CRYBG1: variants seen among roughly 807,000 people sequenced by gnomAD.
The protein encoded by CRYBG1 is beta/gamma crystallin domain-containing protein 1.
In CRYBG1, 139 loss-of-function variants were observed where a neutral mutation model predicts 189.2. The observed-to-expected ratio is 0.73, with a 90% CI of 0.64 to 0.85. The LOEUF (loss-of-function observed/expected upper bound fraction) is 0.85, where lower values mean the gene tolerates loss of function less well. Ranked by LOEUF, CRYBG1 falls within the 40% of genes least tolerant of loss-of-function variation. The probability of loss-of-function intolerance (pLI) is 0.00; values close to 1 mark genes in which losing one functional copy is unlikely to be tolerated. For synonymous variants in CRYBG1, 1,023 were observed against 1,017.1 expected (o/e 1.01, Z -0.11); for missense variants, 2,611 against 2,675.8 (o/e 0.98, Z 0.53).
chr6:106,388,902 A>G (rs1247369811), intron 1 of CRYBG1, among the ~76,000 whole-genome samples: 1 of 152,194 alleles, frequency 6.6e-6, no homozygotes, highest in Non-Finnish European at 1.5e-5. Flanking sequence ...GACAAACAGA[A>G]TTCTTTATCA....
At chr6:106,506,555 C>A (rs1293251213) in intron 2 of CRYBG1, among the ~76,000 whole-genome samples, 1 of 143,456 alleles carries the variant, frequency 7.0e-6, no homozygotes, top group Non-Finnish European at 1.5e-5. Context: ...TGGATTGAAG[C>A]AATTCTTCTG....
chr6:106,504,897 A>G (rs918181804), intron 2 of CRYBG1, among the ~76,000 whole-genome samples: 3 of 152,052 alleles, frequency 2.0e-5, no homozygotes, highest in African/African-American at 7.2e-5. Context: ...GGGAAAATAC[A>G]ATTTTAACTT....
chr6:106,480,287 G>T (rs764283935), intron 2 of CRYBG1, among the ~76,000 whole-genome samples: 5 of 152,142 alleles, frequency 3.3e-5, no homozygotes, highest in Admixed American at 2.6e-4. Flanking sequence ...GATGCAGTAT[G>T]ATAGGGAAAA....
At chr6:106,464,425 A>G (rs547126021) in intron 2 of CRYBG1, among the ~76,000 whole-genome samples, 109 of 151,516 alleles carry the variant, frequency 7.2e-4, no homozygotes, top group African/African-American at 2.4e-3. Context: ...CCCGGGAGGC[A>G]GAGGTTGCAG....
rs1771391763 is a variant in CRYBG1, at chr6:106,433,747, ATATATATATGTGTATATATATATATG to A, written c.174-17937_174-17912del. ...TATATATATATATACATATATATGTATATATATATGTGTATATATATATATGTATATATATATAAACATACACACAC... is the reference window on the plus strand; with the variant it reads ...TATATATATATATACATATATATGTATATATATATATAAACATACACACAC... On this transcript the variant is annotated intron_variant, in intron 1 of 21. Coordinates refer to ENST00000633556, the MANE Select transcript of CRYBG1 (RefSeq NM_001371242.2). 9.7e-4 allele frequency among the ~76,000 whole-genome samples: 30 copies of A among 31,076 alleles called. No homozygotes were observed. The Admixed American group carries it at 0.01, about 11-fold the overall frequency. The allele number at this position is 31,076 out of a possible 152,430, so 20.4% of individuals were successfully genotyped here. A position where few individuals can be genotyped will look rare whatever the true frequency, so the allele number is the denominator to read the frequency against.
intron 1 of CRYBG1, among the ~76,000 whole-genome samples, chr6:106,377,720 C>G: frequency 6.6e-6 from 1 of 150,856 alleles, no homozygotes; most frequent in East Asian, 1.9e-4. Flanking sequence ...TATGTCTTTG[C>G]TGATCAGATA....
At chr6:106,518,594 A>C (rs1773495405) in intron 3 of CRYBG1, among the ~76,000 whole-genome samples, 1 of 152,144 alleles carries the variant, frequency 6.6e-6, no homozygotes. Flanking sequence ...CCGATCCCTC[A>C]TATGCAAGCA....
intron 2 of CRYBG1, among the ~76,000 whole-genome samples, chr6:106,490,903 A>G (rs1055576836): frequency 6.6e-6 from 1 of 152,198 alleles, no homozygotes; most frequent in Admixed American, 6.5e-5. Flanking sequence ...ACTTCAAAAA[A>G]ATGTGTCCTC....
chr6:106,438,094 G>A (rs1381248126), intron 1 of CRYBG1, among the ~76,000 whole-genome samples: 1 of 152,130 alleles, frequency 6.6e-6, no homozygotes, highest in African/African-American at 2.4e-5. Context: ...TCCTTCCACA[G>A]GGCTTAGTAG....
chr6:106,489,367 G>A (rs1419421304), intron 2 of CRYBG1, among the ~76,000 whole-genome samples: 1 of 152,096 alleles, frequency 6.6e-6, no homozygotes. Context: ...GTCACTCTCA[G>A]TGGGCCAAGG....
rs140230842 is a variant in CRYBG1, at chr6:106,361,012, A to G, written c.104A>G (p.Gln35Arg). The change falls in exon 1 of 22, where the codon CAG (glutamine) becomes CGG (arginine). Residue 35 changes from glutamine to arginine, a missense_variant. This residue lies in a region of CRYBG1 where 985 missense variants were observed against 924.4 expected (regional missense o/e 1.07). Transcript: ENST00000633556. ...CACCTCTGGCGCTCCAAAAAGAAGC[A>G]GCAGCCGGCGCCGCCTGACTGTGGG... ...TFHLWRSKKK[Q>R]QPAPPDCGVF... The G allele has an allele frequency of 3.7e-3, 5,730 of 1,535,122 alleles. 173 individuals are homozygous for G. The African/African-American group carries it at 0.069, about 19-fold the overall frequency.
chr6:106,438,868 T>C (rs1466802674), intron 1 of CRYBG1, among the ~76,000 whole-genome samples: 1 of 151,998 alleles, frequency 6.6e-6, no homozygotes, highest in Non-Finnish European at 1.5e-5. Context: ...ATATTTAAAG[T>C]CTAGTAGCAT....
intron 8 of CRYBG1, among the ~76,000 whole-genome samples, chr6:106,537,008 C>T (rs900697767): frequency 3.0e-4 from 45 of 152,212 alleles, no homozygotes; most frequent in Non-Finnish European, 5.9e-5. Flanking sequence ...AGCAGGCCTT[C>T]AGCACTCATT....
chr6:106,466,444 A>G (rs975488909), intron 2 of CRYBG1, among the ~76,000 whole-genome samples: 2 of 152,180 alleles, frequency 1.3e-5, no homozygotes, highest in Non-Finnish European at 2.9e-5. Flanking sequence ...TGTTTGGTAC[A>G]TGTGCTATTT....
At position 106,544,629 on chromosome 6, in the gene CRYBG1, G is replaced by A. The variant is rs147164584; in HGVS notation, c.5098G>A (p.Glu1700Lys). ...TGHQYLLEEG[E>K]YRDWKAWGGY... ...TCATCAGTATTTGCTAGAAGAAGGA[G>A]AATACAGGGACTGGAAAGCCTGGGG... Residue 1700 changes from glutamate to lysine, a missense_variant, in exon 12 of 22, where the codon GAA becomes AAA. By Grantham distance (56) the Glu-to-Lys change is moderately conservative. This residue lies in a region of CRYBG1 where 1,622 missense variants were observed against 1,735.0 expected (regional missense o/e 0.93). Transcript: ENST00000633556. 1.9e-4 allele frequency: 301 copies of A among 1,614,078 alleles called. No individual in the cohort carries two copies. The Middle Eastern group carries it at 3.3e-3, about 18-fold the overall frequency.
At chr6:106,430,258 C>A (rs1030226768) in intron 1 of CRYBG1, among the ~76,000 whole-genome samples, 3 of 152,040 alleles carry the variant, frequency 2.0e-5, no homozygotes, top group Non-Finnish European at 2.9e-5. Flanking sequence ...TAGCGAAACC[C>A]CCATCTCTAC....
chr6:106,512,202 G>T lies in CRYBG1; in HGVS notation c.1085G>T (p.Cys362Phe). 6.5e-7 allele frequency: 1 copy of T among 1,536,010 alleles called. No homozygotes were observed. Among genetic ancestry groups the T allele is most frequent in the Non-Finnish European group, 8.7e-7 (1 of 1,146,646 alleles). ...AHTASSAQADCTARPKGHAHP... is the reference protein window; with the variant it reads ...AHTASSAQADFTARPKGHAHP... ...ACGGCCAGCTCCGCGCAGGCAGACT[G>T]CACAGCCCGCCCCAAGGGTCACGCC... The change falls in exon 3 of 22, where the codon TGC becomes TTC. Residue 362 changes from cysteine to phenylalanine, a missense_variant. Coordinates refer to ENST00000633556, the MANE Select transcript of CRYBG1 (RefSeq NM_001371242.2).
Position 106,526,889 on chromosome 6 carries a change from C to T in CRYBG1, c.4413-416C>T, listed in dbSNP as rs544991300. Among the ~76,000 whole-genome samples, 31 of 143,070 alleles carry T rather than the reference C, an allele frequency of 2.2e-4. 1 individual carries two copies. The East Asian group carries it at 5.3e-3, about 24-fold the overall frequency. The allele number at this position is 143,070 out of a possible 152,430, so 93.9% of individuals were successfully genotyped here. ...CAGGGAGGCGGAGGTTGCAGTGAGC[C>T]GAGATCGCACCACTGCACTCTAGCC... On this transcript the variant is annotated intron_variant, in intron 6 of 21. Coordinates refer to ENST00000633556, the MANE Select transcript of CRYBG1 (RefSeq NM_001371242.2).
In CRYBG1 at chr6:106,519,605, A is replaced by G. The variant is rs371749988; in HGVS notation, c.2397A>G (p.Pro799=). 2.3e-4 allele frequency: 378 copies of G among 1,614,108 alleles called. No individual in the cohort carries two copies. Among genetic ancestry groups the G allele is most frequent in the Non-Finnish European group, 3.0e-4 (357 of 1,180,036 alleles). ...CAGATGCTGGCTGCCTTTCAGAACC[A>G]GTGGCTTCTGCTCTGATTCCTGTCA... ...VQTDAGCLSE[P]VASALIPVKD... is the part of the protein sequence containing the mutation. Residue 799 remains proline, a synonymous_variant, in exon 4 of 22, where the codon CCA becomes CCG. Transcript: ENST00000633556.
Sources: allele counts gnomAD v4.1 joint callset (sites outside exome capture counted in the v4.1 genomes callset), GRCh38; gene constraint gnomAD v4.1.1; regional missense constraint gnomAD v4.1.1; transcripts MANE v1.5; gene names NCBI Gene and HGNC (gene_info 2026-07-23, HGNC 2026-07-21).